Variants in UBQLN1 observed in about 807,000 individuals in gnomAD.
UBQLN1 encodes ubiquilin 1.
A neutral mutation model predicts 65.4 loss-of-function variants in UBQLN1; 13 were observed. The ratio of observed to expected loss-of-function variants is 0.20; its 90% CI spans 0.13 to 0.32. The LOEUF is 0.32. Ranked by LOEUF, UBQLN1 falls within the 10% of genes least tolerant of loss-of-function variation. The probability of loss-of-function intolerance (pLI) is 1.00; values close to 1 mark genes in which losing one functional copy is unlikely to be tolerated. For missense variants in UBQLN1, 561 were observed against 724.0 expected (o/e 0.77, Z 2.58); for synonymous variants, 267 against 247.8 (o/e 1.08, Z -0.73).
At chr9:83,668,390 G>T (rs983889183) in intron 7 of UBQLN1, 1 of 985,180 alleles carries the variant, frequency 1.0e-6, no homozygotes, top group African/African-American at 1.7e-5. Flanking sequence ...CATTTTTAAC[G>T]AACAGCAAAT....
chr9:83,665,290 A>T, intron 8 of UBQLN1, 145 bp from the exon 9 acceptor site: 1 of 519,392 alleles, frequency 1.9e-6, no homozygotes, highest in Non-Finnish European at 3.3e-6. Context: ...TCCCAAAATA[A>T]ACGCAAGTAT....
rs564942878 is a variant in UBQLN1 at position 83,661,462 on chromosome 9, T to C, written c.*325A>G. On this transcript the variant is annotated 3_prime_UTR_variant, in exon 11 of 11. Coordinates refer to ENST00000376395, the MANE Select transcript of UBQLN1 (RefSeq NM_013438.5). ...AATGCTTTTATTCTACATAAATTAC[T>C]ACCATAGGCTAATGTTTAAAAAGCA... 1.0e-5 allele frequency: 2 copies of C among 199,888 alleles called. No individual in the cohort carries two copies. Among genetic ancestry groups the C allele is most frequent in the South Asian group, 1.7e-4 (1 of 5,756 alleles). The allele number at this position is 199,888 out of a possible 1,614,324, so 12.4% of individuals were successfully genotyped here.
intron 9 of UBQLN1, among the ~76,000 whole-genome samples, chr9:83,664,578 C>T (rs1831612260): frequency 6.6e-6 from 1 of 151,774 alleles, no homozygotes; most frequent in Admixed American, 6.6e-5. Flanking sequence ...AGAGCAAAAA[C>T]CGATCTCTTA....
intron 6 of UBQLN1, among the ~76,000 whole-genome samples, 191 bp downstream of exon 6, chr9:83,677,536 T>C (rs1266938765): frequency 1.3e-5 from 2 of 152,176 alleles, no homozygotes; most frequent in East Asian, 1.9e-4. Context: ...TACTCCAGCC[T>C]GTGCAACAAG....
In UBQLN1 at chr9:83,707,906, A is replaced by G; in HGVS notation, c.-227T>C. 1 of 557,444 alleles carries G rather than the reference A, an allele frequency of 1.8e-6. No individual in the cohort carries two copies. The highest frequency in any genetic ancestry group is 2.8e-5 in the South Asian group (1 of 35,186). 34.5% of individuals were successfully genotyped at this position (557,444 alleles called of 1,614,324 possible). The stretch of plus-strand genomic sequence containing the variant: ...GGCGCTCGGCAGCCGCCGTGTGTTC[A>G]GGCGCCGCTCGCTCACACCGACATC... On this transcript the variant is annotated 5_prime_UTR_variant, in exon 1 of 11. Coordinates refer to ENST00000376395, the MANE Select transcript of UBQLN1 (RefSeq NM_013438.5).
At chr9:83,689,964 A>C (rs531675785) in intron 1 of UBQLN1, among the ~76,000 whole-genome samples, 6 of 152,378 alleles carry the variant, frequency 3.9e-5, no homozygotes, top group Admixed American at 3.9e-4. Context: ...TGAATGGTTC[A>C]GTTTAAGACT....
At chr9:83,662,055 A>C (rs1359758076) in intron 10 of UBQLN1, 116 bp from the exon 11 acceptor site, 4 of 865,182 alleles carry the variant, frequency 4.6e-6, no homozygotes, top group Non-Finnish European at 6.9e-6. Flanking sequence ...CTGAGCTTTA[A>C]AAACACTGCC....
rs746263318 is a variant in UBQLN1 at position 83,666,432 on chromosome 9, A to G, written c.1250T>C (p.Met417Thr). 6.2e-7 allele frequency: 1 copy of G among 1,613,710 alleles called. No individual in the cohort carries two copies. The highest frequency in any genetic ancestry group is 1.7e-5 in the Admixed American group (1 of 60,022). ...LSQNPDLAAQ[M>T]MLNNPLFAGN... ...AGCAAATAGGGGATTATTCAGCATCATCTATGGGGCAAGTGTTCAAACAAT... is the reference window on the plus strand; with the variant it reads ...AGCAAATAGGGGATTATTCAGCATCGTCTATGGGGCAAGTGTTCAAACAAT... The change falls in exon 8 of 11, where the codon ATG becomes ACG. Residue 417 changes from methionine (M) to threonine (T), a missense_variant and splice_region_variant. By Grantham distance (81) the Met-to-Thr change is moderately conservative. This residue lies in a region of UBQLN1 where 102 missense variants were observed against 150.7 expected (regional missense o/e 0.68). Coordinates refer to ENST00000376395, the MANE Select transcript of UBQLN1 (RefSeq NM_013438.5).
rs927423084 is a variant in UBQLN1 at position 83,697,848 on chromosome 9, G to A, written c.180+9652C>T. On this transcript the variant is annotated intron_variant, in intron 1 of 10. Transcript: ENST00000376395. ...CCTCCCAGGTTCAAGCGATTCTCCC[G>A]CCTCAGCCTTCCGAGTAGCTGGGGA... Among the ~76,000 whole-genome samples, 7 of 141,968 alleles carry A rather than the reference G, an allele frequency of 4.9e-5. No individual in the cohort carries two copies. In the South Asian group the frequency reaches 1.4e-3, roughly 28 times the overall value. 93.1% of individuals were successfully genotyped at this position (141,968 alleles called of 152,430 possible).
intron 1 of UBQLN1, among the ~76,000 whole-genome samples, chr9:83,692,241 G>A (rs185295477): frequency 1.3e-5 from 2 of 152,222 alleles, no homozygotes; most frequent in East Asian, 3.9e-4. Context: ...TTATCTAAAT[G>A]GAATTTGTCC....
At chr9:83,687,136 A>G (rs2131170903) in intron 1 of UBQLN1, among the ~76,000 whole-genome samples, 2 of 152,322 alleles carry the variant, frequency 1.3e-5, no homozygotes, top group Admixed American at 1.3e-4. Flanking sequence ...ATGAGAGTCA[A>G]GTAAAACCAT....
At position 83,707,509 on chromosome 9, in the gene UBQLN1, G is replaced by C. The variant is rs1832432656; in HGVS notation, c.171C>G (p.Ser57=). 5.6e-6 allele frequency: 9 copies of C among 1,608,668 alleles called. No homozygotes were observed. The highest frequency in any genetic ancestry group is 7.6e-6 in the Non-Finnish European group (9 of 1,177,846). Residue 57 remains serine, a synonymous_variant, in exon 1 of 11, where the codon TCC becomes TCG. Transcript: ENST00000376395. ...CCCCAGGCGGCCTCACCTGCTGGAC[G>C]GAGCTATTCTCGGGCACGGCGAATT... ...KEEFAVPENS[S]VQQFKEEISK... is the part of the protein sequence containing the mutation.
chr9:83,698,511 T>C (rs957138289), intron 1 of UBQLN1, among the ~76,000 whole-genome samples: 2 of 152,140 alleles, frequency 1.3e-5, no homozygotes, highest in African/African-American at 4.8e-5. Flanking sequence ...ATAAAGCATA[T>C]TAAAATTACA....
In UBQLN1 at chr9:83,686,171, A is replaced by G. The variant is rs550396005; in HGVS notation, c.181-16T>C. On this transcript the variant is annotated splice_polypyrimidine_tract_variant and intron_variant, in intron 1 of 10. Coordinates refer to ENST00000376395, the MANE Select transcript of UBQLN1 (RefSeq NM_013438.5). ...CTTCCTTAAACTAAATAAAAATAAA[A>G]TAAGTATGTATTACAGTTGTTTGCA... 69 of 1,489,240 alleles carry G rather than the reference A, an allele frequency of 4.6e-5. 1 individual carries two copies. In the South Asian group the frequency reaches 8.1e-4, roughly 18 times the overall value. 92.3% of individuals were successfully genotyped at this position (1,489,240 alleles called of 1,614,324 possible).
At chr9:83,707,407 C>G (rs1832429903) in intron 1 of UBQLN1, 93 bp downstream of exon 1, 1 of 1,344,008 alleles carries the variant, frequency 7.4e-7, no homozygotes, top group African/African-American at 1.5e-5. Context: ...CGAGGACGAC[C>G]CCTCTCCCAG....
Position 83,693,747 on chromosome 9 carries a change from T to A in UBQLN1, c.181-7592A>T, listed in dbSNP as rs115098381. On this transcript the variant is annotated intron_variant, in intron 1 of 10. Transcript: ENST00000376395. Reference sequence around the variant, plus strand: ...TTTTGAGAAGAAAATAAGACACACATATGGAGGAAAGAGAGGAGAATCAAG... The same window carrying A: ...TTTTGAGAAGAAAATAAGACACACAAATGGAGGAAAGAGAGGAGAATCAAG... Among the ~76,000 whole-genome samples, 299 of 152,146 alleles carry A rather than the reference T, an allele frequency of 2.0e-3. 1 individual carries two copies. The highest frequency in any genetic ancestry group is 6.4e-3 in the African/African-American group (265 of 41,526).
Position 83,661,303 on chromosome 9 carries a change from C to G in UBQLN1, c.*484G>C, listed in dbSNP as rs1472312097. On this transcript the variant is annotated 3_prime_UTR_variant, in exon 11 of 11. Transcript: ENST00000376395. ...AAATGCAGTCCCAAATGTGCATACTCTATATTGTATACAAATAAAACAAAA... is the reference window on the plus strand; with the variant it reads ...AAATGCAGTCCCAAATGTGCATACTGTATATTGTATACAAATAAAACAAAA... 6.4e-6 allele frequency: 1 copy of G among 156,486 alleles called. No homozygotes were observed. Among genetic ancestry groups the G allele is most frequent in the East Asian group, 1.9e-4 (1 of 5,206 alleles). The allele number at this position is 156,486 out of a possible 1,614,324, so 9.7% of individuals were successfully genotyped here. A position where few individuals can be genotyped will look rare whatever the true frequency, so the allele number is the denominator to read the frequency against.
At chr9:83,683,186 G>GCGATCAA in intron 2 of UBQLN1, 120 bp from the exon 3 acceptor site, 1 of 560,406 alleles carries the variant, frequency 1.8e-6, no homozygotes, top group South Asian at 2.2e-5. Flanking sequence ...GCCGAAGCTG[G>GCGATCAA]CTGATCACGA....
At chr9:83,673,546 T>TAAAAAAAAAA (rs762494390) in intron 6 of UBQLN1, among the ~76,000 whole-genome samples, 1 of 75,548 alleles carries the variant, frequency 1.3e-5, no homozygotes, top group Non-Finnish European at 2.5e-5. Context: ...CTCGGTCTTT[T>TAAAAAAAAAA]AAAAAAAAAA....
Sources: gnomAD v4.1 joint callset for allele counts (sites outside exome capture counted in the v4.1 genomes callset) on GRCh38, gnomAD v4.1.1 for gene constraint, gnomAD v4.1.1 regional missense constraint, MANE v1.5 for transcripts, NCBI Gene and HGNC (gene_info 2026-07-23, HGNC 2026-07-21) for gene names.